Variants in FRMPD2 observed in about 807,000 individuals in gnomAD.
The protein encoded by FRMPD2 is FERM and PDZ domain-containing protein 2.
Under a neutral mutation model 140.1 loss-of-function variants are expected in FRMPD2, and 96 were observed. That is an observed-to-expected ratio of 0.69 (90% confidence interval 0.58 to 0.81). The LOEUF is 0.81. Among genes scored for constraint, FRMPD2 ranks in the 40% least tolerant of loss-of-function variants. FRMPD2 has a pLI of 0.00. For missense variants in FRMPD2, 1,240 were observed against 1,447.4 expected (o/e 0.86, Z 2.32); for synonymous variants, 449 against 547.6 (o/e 0.82, Z 2.52).
rs1297449530 is a variant in FRMPD2 at position 48,158,344 on chromosome 10, TG to T, written c.3882-975del. Among the ~76,000 whole-genome samples, 2 of 149,600 alleles carry T rather than the reference TG, an allele frequency of 1.3e-5. 1 individual carries two copies. The highest frequency in any genetic ancestry group is 3.0e-5 in the Non-Finnish European group (2 of 67,452). On this transcript the variant is annotated intron_variant, in intron 28 of 28. Coordinates refer to ENST00000374201, the MANE Select transcript of FRMPD2 (RefSeq NM_001018071.4). ...TCAGGCTGCCCTTGGAGATTTGACC[TG>T]GGGCTCAACTGTGGACATAGGGAAA... is the stretch of plus-strand genomic sequence containing the variant.
At chr10:48,244,254 G>A (rs1227818041) in intron 4 of FRMPD2, among the ~76,000 whole-genome samples, 1 of 152,186 alleles carries the variant, frequency 6.6e-6, no homozygotes, top group Non-Finnish European at 1.5e-5. Context: ...CAAAGTGCTG[G>A]GACTATAGGC....
chr10:48,232,309 C>G lies in FRMPD2; in HGVS notation c.994-20G>C. The G allele has an allele frequency of 6.4e-7, 1 of 1,568,912 alleles. No homozygotes were observed. The highest frequency in any genetic ancestry group is 2.2e-5 in the East Asian group (1 of 44,484). ...TTTGGTCTGAAAACAACAACAGTAT[C>G]AATTATACTACAATTATAAGTCATT... On this transcript the variant is annotated intron_variant, in intron 9 of 28. Coordinates refer to ENST00000374201, the MANE Select transcript of FRMPD2 (RefSeq NM_001018071.4).
At chr10:48,174,136 G>T (rs1449983817) in intron 24 of FRMPD2, among the ~76,000 whole-genome samples, 3 of 152,158 alleles carry the variant, frequency 2.0e-5, no homozygotes, top group Admixed American at 1.3e-4. Context: ...GCGAAAAGTG[G>T]CCAGAACATT....
intron 16 of FRMPD2, 141 bp downstream of exon 16, chr10:48,192,543 C>T (rs1268180457): frequency 6.5e-5 from 47 of 724,166 alleles, no homozygotes; most frequent in African/African-American, 4.6e-4. Flanking sequence ...GCCAAGATCA[C>T]GCCACTGCAC....
At chr10:48,195,143 C>A (rs918727545) in intron 15 of FRMPD2, among the ~76,000 whole-genome samples, 1 of 152,216 alleles carries the variant, frequency 6.6e-6, no homozygotes, top group Non-Finnish European at 1.5e-5. Context: ...AGATTCTGGG[C>A]AGCTCACTGC....
intron 16 of FRMPD2, among the ~76,000 whole-genome samples, chr10:48,189,702 G>A (rs971323693): frequency 2.0e-5 from 3 of 152,188 alleles, no homozygotes; most frequent in Non-Finnish European, 4.4e-5. Context: ...AGACTAAGGA[G>A]GCCCTTGCTC....
chr10:48,181,300 G>A (rs1393907615), intron 20 of FRMPD2, among the ~76,000 whole-genome samples: 1 of 152,278 alleles, frequency 6.6e-6, no homozygotes, highest in Admixed American at 6.5e-5. Flanking sequence ...GCCATGTGAT[G>A]GGCACCTTAG....
chr10:48,266,240 A>G (rs1252146893), intron 1 of FRMPD2, among the ~76,000 whole-genome samples: 2 of 152,200 alleles, frequency 1.3e-5, no homozygotes, highest in African/African-American at 4.8e-5. Context: ...GAGAAGGGAG[A>G]GGAGCACAAA....
chr10:48,221,555 C>A (rs1188822244), intron 12 of FRMPD2, among the ~76,000 whole-genome samples: 2 of 152,072 alleles, frequency 1.3e-5, no homozygotes, highest in African/African-American at 4.8e-5. Flanking sequence ...TGTAACCAAA[C>A]ACCACCTGTT....
At chr10:48,246,189 T>C (rs1840244774) in intron 3 of FRMPD2, among the ~76,000 whole-genome samples, 2 of 152,188 alleles carry the variant, frequency 1.3e-5, no homozygotes, top group African/African-American at 4.8e-5. Flanking sequence ...CCAATTGCAG[T>C]GACTGCCACC....
At chr10:48,186,029 A>G (rs1838676795) in intron 17 of FRMPD2, among the ~76,000 whole-genome samples, 1 of 152,244 alleles carries the variant, frequency 6.6e-6, no homozygotes, top group Admixed American at 6.5e-5. Context: ...CAAAAACAAA[A>G]GCTAAAACAG....
chr10:48,225,452 T>C (rs1312307401), intron 10 of FRMPD2, among the ~76,000 whole-genome samples: 2 of 152,164 alleles, frequency 1.3e-5, no homozygotes, highest in African/African-American at 4.8e-5. Flanking sequence ...TGCCTGACAC[T>C]CTGTCTCCAC....
intron 9 of FRMPD2, among the ~76,000 whole-genome samples, chr10:48,234,206 AG>A (rs1435890306): frequency 9.2e-5 from 14 of 152,242 alleles, no homozygotes; most frequent in Admixed American, 9.2e-4. Flanking sequence ...GGTACCTGCA[AG>A]GGTCTCTGTT....
chr10:48,213,291 T>G (rs1183837615), intron 12 of FRMPD2, among the ~76,000 whole-genome samples: 3 of 152,220 alleles, frequency 2.0e-5, no homozygotes, highest in Admixed American at 6.5e-5. Flanking sequence ...GCATTTAGAA[T>G]GCTCTTAGCA....
chr10:48,181,884 T>TCTCACACACACACACA (rs1838560029), intron 20 of FRMPD2, among the ~76,000 whole-genome samples: 1 of 13,458 alleles, frequency 7.4e-5, no homozygotes, highest in Non-Finnish European at 1.5e-4. Context: ...TATATGGCTC[T>TCTCACACACACACACA]CATACACACA....
chr10:48,253,663 A>G (rs1348242978), intron 1 of FRMPD2, among the ~76,000 whole-genome samples: 1 of 152,198 alleles, frequency 6.6e-6, no homozygotes, highest in Non-Finnish European at 1.5e-5. Flanking sequence ...AAATTGTGCA[A>G]ATTTGTTGCT....
At chr10:48,214,049 T>C (rs1016834757) in intron 12 of FRMPD2, among the ~76,000 whole-genome samples, 2 of 152,198 alleles carry the variant, frequency 1.3e-5, no homozygotes, top group South Asian at 4.1e-4. Flanking sequence ...CAGTTTTACC[T>C]AGTAGCTGCC....
At chr10:48,254,171 A>T (rs767735232) in intron 1 of FRMPD2, among the ~76,000 whole-genome samples, 1 of 152,128 alleles carries the variant, frequency 6.6e-6, no homozygotes, top group Admixed American at 6.5e-5. Context: ...CTGACCAACC[A>T]CAGTGTTACG....
chr10:48,200,151 T>TATAAATAA lies in FRMPD2; in HGVS notation c.1954+1069_1954+1076dup, dbSNP rs201958134. 5.8e-3 allele frequency among the ~76,000 whole-genome samples: 780 copies of TATAAATAA among 135,556 alleles called. 4 individuals carry two copies. The highest frequency in any genetic ancestry group is 6.4e-3 in the East Asian group (31 of 4,876). 88.9% of individuals were successfully genotyped at this position (135,556 alleles called of 152,430 possible). A position where few individuals can be genotyped will look rare whatever the true frequency, so the allele number is the denominator to read the frequency against. ...TAAATAAAAACTAAAAGCTAAAAAA[T>TATAAATAA]ATAAATAAATAAATAAATAAATAAA... is the stretch of plus-strand genomic sequence containing the variant. On this transcript the variant is annotated intron_variant, in intron 15 of 28. Transcript: ENST00000374201.
Sources: allele counts gnomAD v4.1 joint callset (sites outside exome capture counted in the v4.1 genomes callset), GRCh38; gene constraint gnomAD v4.1.1; transcripts MANE v1.5; gene names NCBI Gene and HGNC (gene_info 2026-07-23, HGNC 2026-07-21).